SPOCK3: variants seen among roughly 807,000 people sequenced by gnomAD.
SPOCK3 encodes SPARC (osteonectin), cwcv and kazal like domains proteoglycan 3.
In SPOCK3, 30 loss-of-function variants were observed where a neutral mutation model predicts 56.6. The ratio of observed to expected loss-of-function variants is 0.53; its 90% CI spans 0.40 to 0.72. SPOCK3 has a LOEUF of 0.72. Among genes scored for constraint, SPOCK3 ranks in the 30% least tolerant of loss-of-function variants. The pLI, the probability that SPOCK3 is intolerant of heterozygous loss-of-function variation, is 0.00. For missense variants in SPOCK3, 527 were observed against 530.0 expected (o/e 0.99, Z 0.06); for synonymous variants, 196 against 183.3 (o/e 1.07, Z -0.56).
At chr4:166,972,965 T>C (rs1403623130) in intron 4 of SPOCK3, among the ~76,000 whole-genome samples, 1 of 152,156 alleles carries the variant, frequency 6.6e-6, no homozygotes, top group East Asian at 1.9e-4. Context: ...GGCTTAGGCA[T>C]ATTCAGATGT....
chr4:167,231,316 AG>A (rs1251240944), intron 2 of SPOCK3, among the ~76,000 whole-genome samples: 3 of 151,512 alleles, frequency 2.0e-5, no homozygotes, highest in Non-Finnish European at 4.4e-5. Flanking sequence ...TCACTTCGGA[AG>A]AAAAAATAAT....
intron 8 of SPOCK3, among the ~76,000 whole-genome samples, chr4:166,743,434 C>A (rs1735136337): frequency 7.4e-6 from 1 of 135,432 alleles, no homozygotes; most frequent in Non-Finnish European, 1.6e-5. Context: ...CTTAATCTTG[C>A]AGAATCTAAA....
intron 4 of SPOCK3, among the ~76,000 whole-genome samples, chr4:166,997,918 C>G (rs1748557265): frequency 6.6e-6 from 1 of 152,076 alleles, no homozygotes; most frequent in Non-Finnish European, 1.5e-5. Flanking sequence ...CTAAACTATG[C>G]AAATGGACAA....
chr4:166,906,026 A>T (rs1037024267), intron 5 of SPOCK3, among the ~76,000 whole-genome samples: 1 of 152,088 alleles, frequency 6.6e-6, no homozygotes, highest in Non-Finnish European at 1.5e-5. Context: ...TATCTAAAAA[A>T]TGATTCTAGC....
At chr4:167,175,215 C>T (rs1421791489) in intron 2 of SPOCK3, among the ~76,000 whole-genome samples, 4 of 151,954 alleles carry the variant, frequency 2.6e-5, no homozygotes, top group Non-Finnish European at 5.9e-5. Flanking sequence ...TTGCCATTTC[C>T]CATAATTGAG....
chr4:166,751,093 A>G (rs929490273), intron 8 of SPOCK3, among the ~76,000 whole-genome samples: 3 of 152,174 alleles, frequency 2.0e-5, no homozygotes, highest in Non-Finnish European at 4.4e-5. Flanking sequence ...TTTCTTCTCC[A>G]TACGTTATTG....
At chr4:166,946,463 T>C (rs945790612) in intron 4 of SPOCK3, among the ~76,000 whole-genome samples, 1 of 152,196 alleles carries the variant, frequency 6.6e-6, no homozygotes, top group African/African-American at 2.4e-5. Context: ...TGCTAGCATA[T>C]TCCTGCTAAC....
At chr4:167,100,965 C>T (rs781007744) in intron 2 of SPOCK3, among the ~76,000 whole-genome samples, 13 of 151,292 alleles carry the variant, frequency 8.6e-5, no homozygotes, top group Non-Finnish European at 1.9e-4. Context: ...TATATAACAC[C>T]CCTATATATA....
intron 6 of SPOCK3, among the ~76,000 whole-genome samples, chr4:166,868,302 GA>G (rs70955700): frequency 0.52 from 76,937 of 146,940 alleles, 20,390 homozygotes; most frequent in South Asian, 0.68. Flanking sequence ...GAAAAGAAAA[GA>G]AAAAAAAAAA....
intron 10 of SPOCK3, among the ~76,000 whole-genome samples, chr4:166,736,631 A>C (rs1333153371): frequency 6.6e-6 from 1 of 152,096 alleles, no homozygotes; most frequent in African/African-American, 2.4e-5. Flanking sequence ...TCTAAAATGC[A>C]AGATTAAAAA....
At chr4:167,054,742 A>G (rs1580139470) in intron 3 of SPOCK3, among the ~76,000 whole-genome samples, 4 of 152,368 alleles carry the variant, frequency 2.6e-5, no homozygotes, top group South Asian at 2.1e-4. Context: ...ATGATTGATT[A>G]AAAGAAACTT....
intron 2 of SPOCK3, among the ~76,000 whole-genome samples, chr4:167,199,219 A>ATTTG (rs917102080): frequency 1.4e-5 from 2 of 141,416 alleles, no homozygotes; most frequent in South Asian, 2.2e-4. Context: ...TATGCTAAAT[A>ATTTG]TTTGTTTGTG....
At chr4:166,890,848 T>C (rs909709834) in intron 5 of SPOCK3, among the ~76,000 whole-genome samples, 1 of 152,012 alleles carries the variant, frequency 6.6e-6, no homozygotes. Flanking sequence ...AGATTGACAA[T>C]GAGGTGTTAA....
chr4:166,810,059 C>A (rs28469100), intron 6 of SPOCK3, among the ~76,000 whole-genome samples: 120 of 152,206 alleles, frequency 7.9e-4, no homozygotes, highest in African/African-American at 2.7e-3. Context: ...TATTAAGCAA[C>A]CCAAACATCC....
chr4:167,016,825 G>T (rs781594955), intron 3 of SPOCK3, among the ~76,000 whole-genome samples: 1 of 152,070 alleles, frequency 6.6e-6, no homozygotes, highest in African/African-American at 2.4e-5. Context: ...TACAAGGTGT[G>T]AGCCACGGCT....
At chr4:166,763,913 CA>C (rs1260889003) in intron 7 of SPOCK3, among the ~76,000 whole-genome samples, 1 of 152,112 alleles carries the variant, frequency 6.6e-6, no homozygotes, top group Non-Finnish European at 1.5e-5. Context: ...ACAGAGATCT[CA>C]AAACACTAAA....
At chr4:167,191,346 TG>T (rs1367973354) in intron 2 of SPOCK3, among the ~76,000 whole-genome samples, 1 of 144,796 alleles carries the variant, frequency 6.9e-6, no homozygotes, top group African/African-American at 2.6e-5. Flanking sequence ...ATAGTGGGAG[TG>T]GGCTCAAGCA....
intron 4 of SPOCK3, among the ~76,000 whole-genome samples, chr4:166,919,097 A>C (rs73861905): frequency 0.019 from 2,940 of 152,262 alleles, 88 homozygotes; most frequent in African/African-American, 0.066. Flanking sequence ...TCTTTTCTTT[A>C]TAATTAAGCC....
At chr4:167,109,090 T>A (rs1199814247) in intron 2 of SPOCK3, among the ~76,000 whole-genome samples, 3 of 13,236 alleles carry the variant, frequency 2.3e-4, no homozygotes, top group Admixed American at 1.7e-3. Flanking sequence ...AAAATATATA[T>A]AAATATTATA....
Sources: allele counts gnomAD v4.1 joint callset (sites outside exome capture counted in the v4.1 genomes callset), GRCh38; gene constraint gnomAD v4.1.1; transcripts MANE v1.5; gene names NCBI Gene and HGNC (gene_info 2026-07-23, HGNC 2026-07-21).